DCDC2: variants seen among roughly 807,000 people sequenced by gnomAD.
DCDC2 encodes the protein doublecortin domain-containing protein 2.
In DCDC2, 40 loss-of-function variants were observed where a neutral mutation model predicts 50.2. The observed-to-expected ratio is 0.80, with a 90% confidence interval of 0.62 to 1.04. DCDC2 has a LOEUF of 1.04. Among genes scored for constraint, DCDC2 ranks in the 50% least tolerant of loss-of-function variants. The pLI is 0.00. For synonymous variants in DCDC2, 234 were observed against 210.6 expected (o/e 1.11, Z -0.96); for missense variants, 570 against 581.9 (o/e 0.98, Z 0.21).
At chr6:24,256,053 T>C (rs1438042489) in intron 7 of DCDC2, among the ~76,000 whole-genome samples, 1 of 152,186 alleles carries the variant, frequency 6.6e-6, no homozygotes, top group Admixed American at 6.5e-5. Flanking sequence ...CATGCTGCTA[T>C]ATAAGAATAA....
At chr6:24,379,567 T>C in the DCDC2 span, among the ~76,000 whole-genome samples, 1 of 152,128 alleles carries the variant, frequency 6.6e-6, no homozygotes, top group Non-Finnish European at 1.5e-5. Context: ...TGTGGAGAAA[T>C]AGGAATGCTT....
intron 2 of DCDC2, 145 bp downstream of exon 2, chr6:24,353,424 A>G: frequency 1.5e-6 from 1 of 660,838 alleles, no homozygotes; most frequent in Non-Finnish European, 2.8e-6. Flanking sequence ...AGAAAGAATT[A>G]TCTTTGCCTT....
At chr6:24,215,794 A>G (rs1016434110) in intron 7 of DCDC2, among the ~76,000 whole-genome samples, 1 of 152,178 alleles carries the variant, frequency 6.6e-6, no homozygotes. Flanking sequence ...GCTTGGTGGA[A>G]TCTCAGCACT....
intron 7 of DCDC2, among the ~76,000 whole-genome samples, chr6:24,269,326 G>C (rs1169807330): frequency 6.6e-6 from 1 of 152,140 alleles, no homozygotes; most frequent in Non-Finnish European, 1.5e-5. Context: ...TCTAAGAAAT[G>C]ACTCAATACC....
At chr6:24,291,572 G>A (rs946469207) in intron 4 of DCDC2, among the ~76,000 whole-genome samples, 2 of 129,348 alleles carry the variant, frequency 1.5e-5, no homozygotes, top group African/African-American at 2.9e-5. Context: ...TGCAAGCTCC[G>A]CCTCCCGGGT....
At chr6:24,340,683 C>A (rs1489245274) in intron 2 of DCDC2, among the ~76,000 whole-genome samples, 4 of 151,960 alleles carry the variant, frequency 2.6e-5, no homozygotes, top group African/African-American at 9.7e-5. Flanking sequence ...ATATAATTAA[C>A]AAAATGCAAC....
chr6:24,237,029 G>A (rs1185895298), intron 7 of DCDC2, among the ~76,000 whole-genome samples: 3 of 151,250 alleles, frequency 2.0e-5, no homozygotes, highest in Admixed American at 1.3e-4. Flanking sequence ...AAGAAGAAGT[G>A]GACAAAGGAC....
chr6:24,364,826 G>C, the DCDC2 span, among the ~76,000 whole-genome samples: 2 of 152,046 alleles, frequency 1.3e-5, no homozygotes, highest in Non-Finnish European at 2.9e-5. Context: ...CACGTGCAGA[G>C]GTGTGCACCT....
In DCDC2 at chr6:24,248,905, C is replaced by T. The variant is rs376677859; in HGVS notation, c.922+29144G>A. ...CACATTATGCCAATTAACCTAATGC[C>T]CTTATTCCTTTAAAACCATAACTAC... On this transcript the variant is annotated intron_variant, in intron 7 of 9. Coordinates refer to ENST00000378454, the MANE Select transcript of DCDC2 (RefSeq NM_016356.5). 4.7e-4 allele frequency among the ~76,000 whole-genome samples: 72 copies of T among 152,182 alleles called. No homozygotes were observed. The South Asian group carries it at 0.014, about 29-fold the overall frequency.
At chr6:24,290,840 A>C in intron 5 of DCDC2, 92 bp downstream of exon 5, 1 of 1,076,034 alleles carries the variant, frequency 9.3e-7, no homozygotes. Flanking sequence ...TAAGATTATC[A>C]ATTACATAAA....
At chr6:24,255,892 C>G (rs542071979) in intron 7 of DCDC2, among the ~76,000 whole-genome samples, 8 of 151,982 alleles carry the variant, frequency 5.3e-5, no homozygotes, top group Non-Finnish European at 1.2e-4. Context: ...TCATGTGGCC[C>G]AGCAATTCAA....
chr6:24,259,123 C>T (rs1353752228), intron 7 of DCDC2, among the ~76,000 whole-genome samples: 1 of 120,490 alleles, frequency 8.3e-6, no homozygotes, highest in Non-Finnish European at 1.9e-5. Context: ...TCCAAAGATA[C>T]AAGACATGTG....
At chr6:24,189,538 T>C (rs576286885) in intron 8 of DCDC2, among the ~76,000 whole-genome samples, 5 of 152,296 alleles carry the variant, frequency 3.3e-5, no homozygotes, top group South Asian at 2.1e-4. Flanking sequence ...CCACAGCTCA[T>C]GTCCAGCCCA....
intron 6 of DCDC2, among the ~76,000 whole-genome samples, chr6:24,285,841 C>G (rs1442017711): frequency 6.6e-6 from 1 of 152,154 alleles, no homozygotes; most frequent in African/African-American, 2.4e-5. Flanking sequence ...TCGACTTTCC[C>G]TGTGACTTGG....
Position 24,324,939 on chromosome 6 carries a change from A to T in DCDC2, c.349-22895T>A, listed in dbSNP as rs144165703. Among the ~76,000 whole-genome samples, 668 of 152,170 alleles carry T rather than the reference A, an allele frequency of 4.4e-3. 7 individuals carry two copies. Among genetic ancestry groups the T allele is most frequent in the African/African-American group, 0.013 (547 of 41,542 alleles). On this transcript the variant is annotated intron_variant, in intron 2 of 9. Coordinates refer to ENST00000378454, the MANE Select transcript of DCDC2 (RefSeq NM_016356.5). ...AGAAAGAAAAGAGAGAGAGAGAGCT[A>T]TGACACTTTGGCATCTCAAATAGTT... is the stretch of plus-strand genomic sequence containing the variant.
chr6:24,268,505 T>C (rs181303463), intron 7 of DCDC2, among the ~76,000 whole-genome samples: 1 of 151,606 alleles, frequency 6.6e-6, no homozygotes, highest in Admixed American at 6.6e-5. Flanking sequence ...CAAACAAACA[T>C]ACAAAAAGTG....
chr6:24,186,135 C>A (rs1025847208), intron 8 of DCDC2, among the ~76,000 whole-genome samples: 4 of 152,130 alleles, frequency 2.6e-5, no homozygotes, highest in Non-Finnish European at 5.9e-5. Flanking sequence ...AGAAGTAATA[C>A]GAATGTACAA....
At chr6:24,347,344 G>T (rs146623905) in intron 2 of DCDC2, among the ~76,000 whole-genome samples, 4 of 152,080 alleles carry the variant, frequency 2.6e-5, no homozygotes, top group African/African-American at 9.7e-5. Context: ...CAGGAGCTTG[G>T]TTCCCAGCTA....
In DCDC2 at chr6:24,288,879, A is replaced by G. The variant is rs779146204; in HGVS notation, c.732T>C (p.Ile244=). 1.9e-6 allele frequency: 3 copies of G among 1,604,122 alleles called. No individual in the cohort carries two copies. Among genetic ancestry groups the G allele is most frequent in the Admixed American group, 1.8e-5 (1 of 57,140 alleles). Residue 244 remains isoleucine, a synonymous_variant, in exon 6 of 10, where the codon ATT becomes ATC. Coordinates refer to ENST00000378454, the MANE Select transcript of DCDC2 (RefSeq NM_016356.5). ...TCCCTTTAGACTTTCTGGATCCTAC[A>G]ATAGGAGGTAGTGAAGAAGCTTTCT... ...FGQKASSLPP[I]VGSRKSKGSG...
Sources: gnomAD v4.1 joint callset for allele counts (sites outside exome capture counted in the v4.1 genomes callset) on GRCh38, gnomAD v4.1.1 for gene constraint, MANE v1.5 for transcripts, NCBI Gene and HGNC (gene_info 2026-07-23, HGNC 2026-07-21) for gene names.